Variants in CPSF7 observed in about 807,000 individuals in gnomAD.
CPSF7 encodes the protein cleavage and polyadenylation specific factor 7.
Under a neutral mutation model 44.3 loss-of-function variants are expected in CPSF7, and 1 was observed. The observed-to-expected ratio is 0.02, with a 90% CI of 0.01 to 0.11. The LOEUF is 0.11. Among genes scored for constraint, CPSF7 ranks in the 10% least tolerant of loss-of-function variants. The probability of loss-of-function intolerance (pLI) is 1.00; values close to 1 mark genes in which losing one functional copy is unlikely to be tolerated. For synonymous variants in CPSF7, 202 were observed against 222.0 expected, an observed-to-expected ratio of 0.91 and a Z score of 0.80; for missense variants, 443 against 607.2, an observed-to-expected ratio of 0.73 and a Z score of 2.84.
In CPSF7 at chr11:61,404,028, G is replaced by C. The variant is rs993913502; in HGVS notation, c.*682C>G. The stretch of plus-strand genomic sequence containing the variant: ...GGCCTTCTCTGCTTAGGAGGGGCAA[G>C]TCCACTGAGAAGGCTGGGCAGCGCA... On this transcript the variant is annotated 3_prime_UTR_variant, in exon 10 of 10. Coordinates refer to ENST00000439958, the MANE Select transcript of CPSF7 (RefSeq NM_001142565.3). The C allele has an allele frequency of 2.1e-4, 32 of 152,660 alleles. No homozygotes were observed. Among genetic ancestry groups the C allele is most frequent in the African/African-American group, 7.2e-4 (30 of 41,460 alleles). 9.5% of individuals were successfully genotyped at this position (152,660 alleles called of 1,614,324 possible).
intron 5 of CPSF7, among the ~76,000 whole-genome samples, chr11:61,419,538 G>C (rs1860663099): frequency 1.3e-5 from 2 of 152,160 alleles, no homozygotes; most frequent in Admixed American, 6.5e-5. Context: ...GCTGCTTCTT[G>C]ATAATTTATA....
intron 4 of CPSF7, among the ~76,000 whole-genome samples, 186 bp from the exon 5 acceptor site, chr11:61,420,280 T>G (rs181098054): frequency 3.0e-4 from 46 of 152,310 alleles, no homozygotes; most frequent in Admixed American, 1.4e-3. Context: ...AAAATCAGTA[T>G]TCTTCGCCCC....
At chr11:61,425,773 T>C (rs1251051081) in intron 2 of CPSF7, among the ~76,000 whole-genome samples, 1 of 152,230 alleles carries the variant, frequency 6.6e-6, no homozygotes, top group African/African-American at 2.4e-5. Flanking sequence ...TCCTTGTCCT[T>C]CACTGTACAT....
At chr11:61,427,804 T>A (rs1047980308) in intron 2 of CPSF7, among the ~76,000 whole-genome samples, 10 of 152,238 alleles carry the variant, frequency 6.6e-5, no homozygotes, top group Non-Finnish European at 1.3e-4. Context: ...GGTCATTACA[T>A]TATTCTGCTT....
chr11:61,421,880 T>C (rs1002756277), intron 2 of CPSF7, among the ~76,000 whole-genome samples: 1 of 152,166 alleles, frequency 6.6e-6, no homozygotes, highest in African/African-American at 2.4e-5. Flanking sequence ...ACTGGGTGAT[T>C]AAGCAAGCAA....
intron 1 of CPSF7, 156 bp downstream of exon 1, chr11:61,429,758 C>A: frequency 6.5e-7 from 1 of 1,546,628 alleles, no homozygotes. Flanking sequence ...CCGACAAACC[C>A]GGCCCGGCGC....
At chr11:61,411,969 T>A (rs1332705612) in intron 7 of CPSF7, 32 bp from the exon 8 acceptor site, 1 of 1,593,340 alleles carries the variant, frequency 6.3e-7, no homozygotes, top group Admixed American at 1.7e-5. Context: ...AGGCCAAGGG[T>A]GAGGAGAGAT....
At chr11:61,412,779 G>A (rs534225725) in intron 7 of CPSF7, among the ~76,000 whole-genome samples, 1 of 152,308 alleles carries the variant, frequency 6.6e-6, no homozygotes, top group East Asian at 1.9e-4. Flanking sequence ...TAAATGTTAT[G>A]TTATATGTTG....
At chr11:61,420,411 A>G in intron 4 of CPSF7, 59 bp downstream of exon 4, 10 of 1,452,682 alleles carry the variant, frequency 6.9e-6, no homozygotes, top group Non-Finnish European at 8.7e-6. Flanking sequence ...AAAATATAGT[A>G]CAGATCTTTT....
At chr11:61,419,917 C>G in intron 5 of CPSF7, 32 bp downstream of exon 5, 2 of 1,610,700 alleles carry the variant, frequency 1.2e-6, no homozygotes, top group Non-Finnish European at 1.7e-6. Context: ...ATGGTCTCCA[C>G]GTACCCCCTC....
rs1859000126 is a variant in CPSF7 at position 61,402,884 on chromosome 11, G to GT, written c.*1825dup. The GT allele has an allele frequency of 2.6e-5, 4 of 152,414 alleles. No homozygotes were observed. The allele number at this position is 152,414 out of a possible 1,614,324, so 9.4% of individuals were successfully genotyped here. On this transcript the variant is annotated 3_prime_UTR_variant, in exon 10 of 10. Coordinates refer to ENST00000439958, the MANE Select transcript of CPSF7 (RefSeq NM_001142565.3). ...ATAAAACTAAAAATGGTGTCATTGA[G>GT]TAAAAACAAAACAAATGGGGAGAAA...
Position 61,404,468 on chromosome 11 carries a change from C to T in CPSF7, c.*242G>A, listed in dbSNP as rs1859127825. 2 of 146,776 alleles carry T rather than the reference C, an allele frequency of 1.4e-5. No homozygotes were observed. Among genetic ancestry groups the T allele is most frequent in the South Asian group, 4.1e-4 (2 of 4,828 alleles). 9.1% of individuals were successfully genotyped at this position (146,776 alleles called of 1,614,324 possible). On this transcript the variant is annotated 3_prime_UTR_variant, in exon 10 of 10. Coordinates refer to ENST00000439958, the MANE Select transcript of CPSF7 (RefSeq NM_001142565.3). Reference sequence around the variant, plus strand: ...GGACATGTTTTCTTCCTGTCTGCCACCCCTCCCAATCACACGAAGTCTTTA... The same window carrying T: ...GGACATGTTTTCTTCCTGTCTGCCATCCCTCCCAATCACACGAAGTCTTTA...
rs1858999943 is a variant in CPSF7 at position 61,402,885 on chromosome 11, T to G, written c.*1825A>C. ...TAAAACTAAAAATGGTGTCATTGAGTAAAAACAAAACAAATGGGGAGAAAA... is the reference window on the plus strand; with the variant it reads ...TAAAACTAAAAATGGTGTCATTGAGGAAAAACAAAACAAATGGGGAGAAAA... On this transcript the variant is annotated 3_prime_UTR_variant, in exon 10 of 10. Coordinates refer to ENST00000439958, the MANE Select transcript of CPSF7 (RefSeq NM_001142565.3). 6.6e-6 allele frequency: 1 copy of G among 152,228 alleles called. No individual in the cohort carries two copies. The highest frequency in any genetic ancestry group is 6.6e-5 in the Admixed American group (1 of 15,232). The allele number at this position is 152,228 out of a possible 1,614,324, so 9.4% of individuals were successfully genotyped here.
chr11:61,416,500 A>G lies in CPSF7; in HGVS notation c.543T>C (p.His181=), dbSNP rs774229020. ...QARKRIPPRA[H]SRDSSDSADG... is the part of the protein sequence containing the mutation. ...CAGCAGAATCACTAGAATCTCGGGA[A>G]TGGGCCCGTGGAGGTATTCCTATGA... The change falls in exon 6 of 10, where the codon CAT becomes CAC. Residue 181 remains histidine (H), a synonymous_variant. Coordinates refer to ENST00000439958, the MANE Select transcript of CPSF7 (RefSeq NM_001142565.3). The G allele has an allele frequency of 1.2e-6, 2 of 1,614,134 alleles. No homozygotes were observed. The highest frequency in any genetic ancestry group is 1.7e-6 in the Non-Finnish European group (2 of 1,180,000).
intron 9 of CPSF7, among the ~76,000 whole-genome samples, chr11:61,409,421 A>G (rs1859649169): frequency 6.6e-6 from 1 of 151,210 alleles, no homozygotes; most frequent in Non-Finnish European, 1.5e-5. Flanking sequence ...CAGTGAGCCG[A>G]GATTGCGCCA....
intron 7 of CPSF7, among the ~76,000 whole-genome samples, chr11:61,414,531 C>T (rs1380953415): frequency 6.6e-6 from 1 of 152,154 alleles, no homozygotes; most frequent in Non-Finnish European, 1.5e-5. Context: ...TGTCTTTAAC[C>T]TTCTCTGTGG....
intron 2 of CPSF7, among the ~76,000 whole-genome samples, chr11:61,421,834 G>C (rs12294238): frequency 0.082 from 12,417 of 152,140 alleles, 1,723 homozygotes; most frequent in African/African-American, 0.28. Context: ...AGTCTGTAAA[G>C]TTTCTGGCTT....
chr11:61,410,904 T>A, intron 9 of CPSF7, 34 bp downstream of exon 9: 1 of 1,531,278 alleles, frequency 6.5e-7, no homozygotes, highest in Non-Finnish European at 8.7e-7. Flanking sequence ...TAATAAAAAA[T>A]CCCCCAGCAG....
At chr11:61,409,565 C>A (rs1337251841) in intron 9 of CPSF7, among the ~76,000 whole-genome samples, 1 of 152,194 alleles carries the variant, frequency 6.6e-6, no homozygotes, top group Non-Finnish European at 1.5e-5. Context: ...AGTTAATTAT[C>A]CACCACAAAG....
Sources: allele counts gnomAD v4.1 joint callset (sites outside exome capture counted in the v4.1 genomes callset), GRCh38; gene constraint gnomAD v4.1.1; transcripts MANE v1.5; gene names NCBI Gene and HGNC (gene_info 2026-07-23, HGNC 2026-07-21).